Variants in NRG3 observed in about 807,000 individuals in gnomAD.
The protein encoded by NRG3 is pro-neuregulin-3, membrane-bound isoform.
Under a neutral mutation model 66.9 loss-of-function variants are expected in NRG3, and 31 were observed. That is an observed-to-expected ratio of 0.46 (90% confidence interval 0.35 to 0.63). The LOEUF is 0.63. Ranked by LOEUF, NRG3 falls within the 20% of genes least tolerant of loss-of-function variation. NRG3 has a pLI of 0.00. For synonymous variants in NRG3, 393 were observed against 359.4 expected (o/e 1.09, Z -1.06); for missense variants, 910 against 878.9 (o/e 1.04, Z -0.45).
chr10:82,678,987 T>A (rs2053916745), intron 2 of NRG3, among the ~76,000 whole-genome samples: 1 of 152,240 alleles, frequency 6.6e-6, no homozygotes, highest in Non-Finnish European at 1.5e-5. Flanking sequence ...ATTGGAAATG[T>A]AGACATTGTT....
intron 1 of NRG3, among the ~76,000 whole-genome samples, chr10:82,233,365 A>T (rs1466884569): frequency 6.6e-6 from 1 of 152,184 alleles, no homozygotes; most frequent in Admixed American, 6.5e-5. Context: ...ACTCCATCTC[A>T]AAAACAAAAC....
At chr10:82,857,966 G>C (rs76684489) in intron 3 of NRG3, among the ~76,000 whole-genome samples, 2,306 of 152,194 alleles carry the variant, frequency 0.015, 52 homozygotes, top group African/African-American at 0.048. Context: ...CACAGCTCCT[G>C]GAAAGGAGCT....
At chr10:82,620,409 A>T (rs1368692138) in intron 2 of NRG3, among the ~76,000 whole-genome samples, 1 of 152,084 alleles carries the variant, frequency 6.6e-6, no homozygotes, top group African/African-American at 2.4e-5. Context: ...CAGAGAGGGG[A>T]GCTGGAGAGG....
At chr10:82,955,018 C>A (rs1237818077) in intron 5 of NRG3, among the ~76,000 whole-genome samples, 1 of 151,896 alleles carries the variant, frequency 6.6e-6, no homozygotes, top group Non-Finnish European at 1.5e-5. Flanking sequence ...AATAAGTTCA[C>A]TTGAACCTCC....
chr10:82,942,241 C>T (rs184775124), intron 4 of NRG3, among the ~76,000 whole-genome samples: 2 of 152,266 alleles, frequency 1.3e-5, no homozygotes, highest in African/African-American at 2.4e-5. Context: ...TCATGGTCTC[C>T]CACACCTCTG....
intron 2 of NRG3, among the ~76,000 whole-genome samples, chr10:82,522,952 TA>T (rs1846342461): frequency 6.6e-6 from 1 of 152,192 alleles, no homozygotes; most frequent in South Asian, 2.1e-4. Context: ...CCAGACATAA[TA>T]AAACACAAAT....
At chr10:82,471,032 G>A (rs374185183) in intron 2 of NRG3, among the ~76,000 whole-genome samples, 7 of 152,092 alleles carry the variant, frequency 4.6e-5, no homozygotes, top group East Asian at 1.9e-4. Flanking sequence ...GAGACTCCAG[G>A]CTCCTCTGTG....
chr10:82,555,762 C>T (rs1340513401), intron 2 of NRG3, among the ~76,000 whole-genome samples: 1 of 152,176 alleles, frequency 6.6e-6, no homozygotes, highest in Non-Finnish European at 1.5e-5. Flanking sequence ...TTGAAACATA[C>T]ATATCCCTTT....
intron 2 of NRG3, among the ~76,000 whole-genome samples, chr10:82,560,994 T>C (rs548342242): frequency 2.4e-4 from 37 of 152,280 alleles, no homozygotes; most frequent in Admixed American, 1.6e-3. Context: ...TAGATCTATT[T>C]CTAATATACC....
rs1408759781 is a variant in NRG3, at chr10:82,215,231, A to C, written c.824-143508A>C. 2.6e-5 allele frequency among the ~76,000 whole-genome samples: 4 copies of C among 152,230 alleles called. No individual in the cohort carries two copies. In the East Asian group the frequency reaches 7.7e-4, roughly 29 times the overall value. ...TTAATAATAGGTCAGATGAGCAAAA[A>C]TGGTTGTAATTCAAATTTGAATAGA... On this transcript the variant is annotated intron_variant, in intron 1 of 8. Coordinates refer to ENST00000372141, the MANE Select transcript of NRG3 (RefSeq NM_001010848.4).
At chr10:82,935,285 T>A (rs1405023720) in intron 4 of NRG3, among the ~76,000 whole-genome samples, 2 of 152,186 alleles carry the variant, frequency 1.3e-5, no homozygotes, top group Admixed American at 1.3e-4. Context: ...CTCAGAGGCA[T>A]TTTATTTCAT....
At chr10:82,481,063 T>C (rs191274238) in intron 2 of NRG3, among the ~76,000 whole-genome samples, 18 of 152,290 alleles carry the variant, frequency 1.2e-4, no homozygotes, top group African/African-American at 3.8e-4. Flanking sequence ...TCCTCCACCA[T>C]GAAAAACTCT....
intron 4 of NRG3, among the ~76,000 whole-genome samples, chr10:82,949,756 G>A (rs1849348240): frequency 6.6e-6 from 1 of 152,056 alleles, no homozygotes. Context: ...TTGGGAGGCT[G>A]AAGCAGGAGG....
intron 3 of NRG3, among the ~76,000 whole-genome samples, chr10:82,820,606 C>T (rs73307265): frequency 0.012 from 1,800 of 152,306 alleles, 36 homozygotes; most frequent in African/African-American, 0.042. Flanking sequence ...ACTACTTTTC[C>T]ATTTAAATCA....
At chr10:82,532,442 A>G (rs911441463) in intron 2 of NRG3, among the ~76,000 whole-genome samples, 6 of 149,376 alleles carry the variant, frequency 4.0e-5, no homozygotes, top group Admixed American at 6.7e-5. Flanking sequence ...ATGGATTACT[A>G]TATATCTATT....
At chr10:82,506,251 CA>C (rs1400897713) in intron 2 of NRG3, among the ~76,000 whole-genome samples, 1 of 152,158 alleles carries the variant, frequency 6.6e-6, no homozygotes, top group African/African-American at 2.4e-5. Context: ...CTGTCTCAAA[CA>C]AAGAACAACA....
At chr10:81,913,919 T>G (rs73304557) in intron 1 of NRG3, among the ~76,000 whole-genome samples, 2,874 of 152,228 alleles carry the variant, frequency 0.019, 78 homozygotes, top group African/African-American at 0.063. Flanking sequence ...AAAAAGGAGG[T>G]TGAAAATCTG....
rs117324233 is a variant in NRG3 at position 82,746,944 on chromosome 10, A to G, written c.1027+8294A>G. 1.6e-4 allele frequency among the ~76,000 whole-genome samples: 25 copies of G among 152,206 alleles called. No homozygotes were observed. The East Asian group carries it at 2.5e-3, about 15-fold the overall frequency. Reference sequence around the variant, plus strand: ...AAAAAATAAAATAAAATAGCCAGGCATGGCGGTATGCACCTGTAGTCCCAG... The same window carrying G: ...AAAAAATAAAATAAAATAGCCAGGCGTGGCGGTATGCACCTGTAGTCCCAG... On this transcript the variant is annotated intron_variant, in intron 3 of 8. Transcript: ENST00000372141.
rs78093754 is a variant in NRG3 at position 82,182,795 on chromosome 10, G to A, written c.824-175944G>A. ...AGTTTCAATTTTTAGTACTCCATTA[G>A]CATTTTTTTGTAGGGCAGGTCTAGT... On this transcript the variant is annotated intron_variant, in intron 1 of 8. Transcript: ENST00000372141. Among the ~76,000 whole-genome samples, 1,049 of 151,908 alleles carry A rather than the reference G, an allele frequency of 6.9e-3. 56 individuals are homozygous for A. In the East Asian group the frequency reaches 0.13, roughly 18 times the overall value.
Sources: gnomAD v4.1 joint callset for allele counts (sites outside exome capture counted in the v4.1 genomes callset) on GRCh38, gnomAD v4.1.1 for gene constraint, MANE v1.5 for transcripts, NCBI Gene and HGNC (gene_info 2026-07-23, HGNC 2026-07-21) for gene names.